Variants in TMCC1 observed in about 807,000 individuals in gnomAD.
TMCC1 encodes the protein transmembrane and coiled-coil domain family 1, also known as transmembrane and coiled-coil domains protein 1.
Under a neutral mutation model 52.4 loss-of-function variants are expected in TMCC1, and 15 were observed. The observed-to-expected ratio is 0.29, with a 90% CI of 0.19 to 0.44. TMCC1 has a LOEUF of 0.44. Among genes scored for constraint, TMCC1 ranks in the 20% least tolerant of loss-of-function variants. TMCC1 has a pLI of 1.00. For missense variants in TMCC1, 503 were observed against 806.0 expected, an observed-to-expected ratio of 0.62 and a Z score of 4.55; for synonymous variants, 279 against 301.9, an observed-to-expected ratio of 0.92 and a Z score of 0.79.
In TMCC1 at chr3:129,752,409, C is replaced by T. The variant is rs537602054; in HGVS notation, c.576+75394G>A. On this transcript the variant is annotated intron_variant, in intron 4 of 6. Transcript: ENST00000393238. ...AATCAAAACCAGAACTATACTCACC[C>T]TGGGAGGTCATTCTTTAAAGCTTCT... Among the ~76,000 whole-genome samples, 13 of 152,288 alleles carry T rather than the reference C, an allele frequency of 8.5e-5. No individual in the cohort carries two copies. In the South Asian group the frequency reaches 2.5e-3, roughly 29 times the overall value.
At chr3:129,737,580 C>T (rs1050920491) in intron 4 of TMCC1, among the ~76,000 whole-genome samples, 7 of 152,118 alleles carry the variant, frequency 4.6e-5, no homozygotes, top group Non-Finnish European at 8.8e-5. Context: ...TAGGCCTTCA[C>T]CAGACACCAA....
At chr3:129,856,510 C>T (rs908317158) in intron 2 of TMCC1, among the ~76,000 whole-genome samples, 5 of 152,050 alleles carry the variant, frequency 3.3e-5, no homozygotes, top group Admixed American at 6.6e-5. Context: ...TTTCTAAGTC[C>T]CAAATTCAAA....
chr3:129,843,278 C>T (rs1445115175), intron 2 of TMCC1, among the ~76,000 whole-genome samples: 3 of 151,566 alleles, frequency 2.0e-5, no homozygotes, highest in Non-Finnish European at 2.9e-5. Context: ...ACCTGGGAGG[C>T]GGAGCTTGCA....
chr3:129,854,113 C>T (rs1304381078), intron 2 of TMCC1, among the ~76,000 whole-genome samples: 2 of 152,062 alleles, frequency 1.3e-5, no homozygotes, highest in Non-Finnish European at 2.9e-5. Context: ...CAAAAAAGCA[C>T]ATCTGCTGGG....
At chr3:129,850,164 G>A (rs947574205) in intron 2 of TMCC1, among the ~76,000 whole-genome samples, 2 of 152,036 alleles carry the variant, frequency 1.3e-5, no homozygotes, top group Non-Finnish European at 2.9e-5. Flanking sequence ...GTTCAAATAT[G>A]GAATGTCCTA....
rs533026517 is a variant in TMCC1 at position 129,651,658 on chromosome 3, A to G, written c.1785T>C (p.Ala595=). ...LLGKLINILL[A]VMAVLLVFVS... Reference sequence around the variant, plus strand: ...CAAAGACCAAAAGGACTGCCATGACAGCCAGGAGGATGTTGATGAGTTTGC... The same window carrying G: ...CAAAGACCAAAAGGACTGCCATGACGGCCAGGAGGATGTTGATGAGTTTGC... Residue 595 remains alanine, a synonymous_variant, in exon 7 of 7, where the codon GCT becomes GCC. Transcript: ENST00000393238. The surrounding 1 kb of genome is among the most constrained non-coding windows in gnomAD (Gnocchi z 5.1). The G allele has an allele frequency of 4.3e-6, 7 of 1,614,258 alleles. No homozygotes were observed. In the South Asian group the frequency reaches 5.5e-5, roughly 13 times the overall value.
intron 1 of TMCC1, among the ~76,000 whole-genome samples, chr3:129,886,446 C>G (rs993978571): frequency 6.6e-6 from 1 of 151,946 alleles, no homozygotes; most frequent in African/African-American, 2.4e-5. Context: ...CAAACAAAAG[C>G]TTATACAAGA....
At chr3:129,739,157 A>C (rs2107631956) in intron 4 of TMCC1, among the ~76,000 whole-genome samples, 1 of 152,164 alleles carries the variant, frequency 6.6e-6, no homozygotes, top group African/African-American at 2.4e-5. Flanking sequence ...AAAGATTAAA[A>C]GATATCCTTC....
intron 4 of TMCC1, among the ~76,000 whole-genome samples, chr3:129,811,750 C>T (rs1361968251): frequency 6.6e-6 from 1 of 151,568 alleles, no homozygotes; most frequent in Non-Finnish European, 1.5e-5. Context: ...TCGAGCCCAG[C>T]CTGGCCAACA....
intron 4 of TMCC1, among the ~76,000 whole-genome samples, chr3:129,717,709 T>C (rs1223261530): frequency 6.6e-6 from 1 of 152,216 alleles, no homozygotes; most frequent in Non-Finnish European, 1.5e-5. Context: ...TCTGTTAGCA[T>C]CGCCTTCAAA....
chr3:129,755,068 ACT>A (rs2052879315), intron 4 of TMCC1, among the ~76,000 whole-genome samples: 1 of 152,024 alleles, frequency 6.6e-6, no homozygotes, highest in African/African-American at 2.4e-5. Flanking sequence ...ACAGAGTGAG[ACT>A]CTGTCTAAAA....
chr3:129,782,046 G>A (rs1210363380), intron 4 of TMCC1, among the ~76,000 whole-genome samples: 1 of 152,064 alleles, frequency 6.6e-6, no homozygotes, highest in African/African-American at 2.4e-5. Flanking sequence ...AGAGAACCAG[G>A]GAGGAGAAAT....
intron 4 of TMCC1, among the ~76,000 whole-genome samples, chr3:129,739,797 A>T (rs1243845169): frequency 1.3e-5 from 2 of 152,236 alleles, no homozygotes; most frequent in African/African-American, 2.4e-5. Context: ...TACACCAAAC[A>T]GGTTCAATGT....
chr3:129,747,979 G>GA (rs1419473501), intron 4 of TMCC1, among the ~76,000 whole-genome samples: 1 of 151,998 alleles, frequency 6.6e-6, no homozygotes, highest in Admixed American at 6.6e-5. Context: ...AGAACTTGAA[G>GA]AAAAAAGAAC....
intron 4 of TMCC1, among the ~76,000 whole-genome samples, chr3:129,783,195 T>C (rs1172680693): frequency 6.6e-6 from 1 of 152,200 alleles, no homozygotes; most frequent in Non-Finnish European, 1.5e-5. Context: ...TTTACTCTCT[T>C]TAGCTAGATT....
intron 4 of TMCC1, among the ~76,000 whole-genome samples, chr3:129,813,527 T>C (rs939869265): frequency 6.6e-6 from 1 of 152,154 alleles, no homozygotes; most frequent in African/African-American, 2.4e-5. Flanking sequence ...GCCATTATCC[T>C]ACACAAACTA....
intron 2 of TMCC1, among the ~76,000 whole-genome samples, chr3:129,871,565 C>T (rs1460560908): frequency 2.0e-5 from 3 of 152,084 alleles, no homozygotes; most frequent in Admixed American, 6.6e-5. Context: ...ATCCACACAA[C>T]TTAGCAACAG....
chr3:129,794,373 A>C (rs759122243), intron 4 of TMCC1: 1 of 456,272 alleles, frequency 2.2e-6, no homozygotes, highest in South Asian at 1.5e-5. Context: ...GATCACCCAG[A>C]GGATCTTCAG....
chr3:129,694,472 C>T (rs1164982526), intron 4 of TMCC1, among the ~76,000 whole-genome samples: 1 of 152,190 alleles, frequency 6.6e-6, no homozygotes, highest in African/African-American at 2.4e-5. Context: ...ACCTGCTAGG[C>T]TGCATTCCCA....
Sources: gnomAD v4.1 joint callset for allele counts (sites outside exome capture counted in the v4.1 genomes callset) on GRCh38, gnomAD v4.1.1 for gene constraint, Gnocchi (gnomAD v3.1) non-coding constraint, MANE v1.5 for transcripts, NCBI Gene and HGNC (gene_info 2026-07-23, HGNC 2026-07-21) for gene names.